The following NFATC1 variants were observed in gnomAD, a reference collection of about 807,000 sequenced individuals.
The protein encoded by NFATC1 is nuclear factor of activated T-cells, cytoplasmic 1.
In NFATC1, 22 loss-of-function variants were observed where a neutral mutation model predicts 76.0. The ratio of observed to expected loss-of-function variants is 0.29; its 90% CI spans 0.21 to 0.41. NFATC1 has a LOEUF of 0.41. Ranked by LOEUF, NFATC1 falls within the 10% of genes least tolerant of loss-of-function variation. The pLI is 1.00. For missense variants in NFATC1, 1,357 were observed against 1,337.7 expected, an observed-to-expected ratio of 1.01 and a Z score of -0.23; for synonymous variants, 704 against 613.1, an observed-to-expected ratio of 1.15 and a Z score of -2.19.
Position 79,527,907 on chromosome 18 carries a change from C to A in NFATC1, c.*330C>A. 1 of 446,442 alleles carries A rather than the reference C, an allele frequency of 2.2e-6. No homozygotes were observed. Among genetic ancestry groups the A allele is most frequent in the Non-Finnish European group, 4.0e-6 (1 of 252,604 alleles). 27.7% of individuals were successfully genotyped at this position (446,442 alleles called of 1,614,324 possible). Reference sequence around the variant, plus strand: ...GACCCCACGCCCAGCCCTTCTGGCACCCCTGGGGTTCAATACTGGAAGTGC... The same window carrying A: ...GACCCCACGCCCAGCCCTTCTGGCAACCCTGGGGTTCAATACTGGAAGTGC... On this transcript the variant is annotated 3_prime_UTR_variant, in exon 10 of 10. Coordinates refer to ENST00000427363, the MANE Select transcript of NFATC1 (RefSeq NM_001278669.2).
In NFATC1 at chr18:79,486,955, T is replaced by C. The variant is rs1341028469; in HGVS notation, c.2782+18T>C. 2 of 1,570,762 alleles carry C rather than the reference T, an allele frequency of 1.3e-6. No individual in the cohort carries two copies. The highest frequency in any genetic ancestry group is 1.8e-5 in the Admixed American group (1 of 56,990). Reference sequence around the variant, plus strand: ...GGATGACGGTGAGTGCCCGCAGCCATGCAGGTGTGTGCCCCGCCTGGCGCC... The same window carrying C: ...GGATGACGGTGAGTGCCCGCAGCCACGCAGGTGTGTGCCCCGCCTGGCGCC... On this transcript the variant is annotated intron_variant, in intron 9 of 9. Coordinates refer to ENST00000427363, the MANE Select transcript of NFATC1 (RefSeq NM_001278669.2).
At chr18:79,507,263 C>G (rs1440168463) in intron 9 of NFATC1, among the ~76,000 whole-genome samples, 1 of 152,268 alleles carries the variant, frequency 6.6e-6, no homozygotes, top group African/African-American at 2.4e-5. Context: ...GCTCCCAGCC[C>G]TTGGCAGCAG....
chr18:79,521,306 C>T (rs1221394179), intron 9 of NFATC1, among the ~76,000 whole-genome samples: 1 of 48,616 alleles, frequency 2.1e-5, no homozygotes, highest in Non-Finnish European at 3.5e-5. Flanking sequence ...TGGGGGGGGG[C>T]GTCTCCTGAT....
intron 9 of NFATC1, among the ~76,000 whole-genome samples, chr18:79,509,600 G>C (rs1423894121): frequency 6.6e-6 from 1 of 152,266 alleles, no homozygotes; most frequent in Non-Finnish European, 1.5e-5. Context: ...AGAGACCTGG[G>C]TTTCTTTTAA....
intron 2 of NFATC1, among the ~76,000 whole-genome samples, chr18:79,412,185 C>T (rs1054438799): frequency 4.3e-4 from 65 of 152,208 alleles, no homozygotes; most frequent in East Asian, 1.9e-4. Context: ...GCTGGAATTC[C>T]GCTGGGTCCA....
At chr18:79,488,702 G>A (rs1164998989) in intron 9 of NFATC1, among the ~76,000 whole-genome samples, 1 of 152,180 alleles carries the variant, frequency 6.6e-6, no homozygotes, top group Admixed American at 6.5e-5. Flanking sequence ...CGAGGTGGAC[G>A]CTGACATCCA....
At chr18:79,438,521 C>G (rs2086860122) in intron 3 of NFATC1, among the ~76,000 whole-genome samples, 1 of 152,238 alleles carries the variant, frequency 6.6e-6, no homozygotes, top group Non-Finnish European at 1.5e-5. Context: ...GATAGCATCT[C>G]ACCCATCACA....
At chr18:79,484,959 C>T (rs1020479108) in intron 8 of NFATC1, among the ~76,000 whole-genome samples, 8 of 152,250 alleles carry the variant, frequency 5.3e-5, no homozygotes, top group Non-Finnish European at 7.3e-5. Context: ...GTGGACTCCT[C>T]GGCACCCAGC....
At chr18:79,516,483 A>G (rs1253105251) in intron 9 of NFATC1, among the ~76,000 whole-genome samples, 1 of 152,186 alleles carries the variant, frequency 6.6e-6, no homozygotes, top group Admixed American at 6.5e-5. Context: ...CGTTTTCAGA[A>G]TGTGGTGGCT....
chr18:79,405,069 C>T (rs1189025698), intron 1 of NFATC1, among the ~76,000 whole-genome samples: 1 of 152,164 alleles, frequency 6.6e-6, no homozygotes, highest in Non-Finnish European at 1.5e-5. Flanking sequence ...GGCCTGAGAG[C>T]CGGGTGCTCC....
At chr18:79,408,767 A>G (rs148399831) in intron 1 of NFATC1, among the ~76,000 whole-genome samples, 27 of 152,006 alleles carry the variant, frequency 1.8e-4, no homozygotes, top group Middle Eastern at 3.4e-3. Flanking sequence ...TCCATTCCCT[A>G]TGCATCCATG....
chr18:79,513,885 G>A (rs1346661718), intron 9 of NFATC1, among the ~76,000 whole-genome samples: 3 of 152,202 alleles, frequency 2.0e-5, no homozygotes, highest in Non-Finnish European at 4.4e-5. Flanking sequence ...GGGCCACTGT[G>A]GAGCCCATGG....
intron 9 of NFATC1, chr18:79,498,310 A>G (rs975266826): frequency 6.6e-6 from 1 of 152,118 alleles, no homozygotes; most frequent in African/African-American, 2.4e-5. Flanking sequence ...AGTGTGGCAA[A>G]TATATCTTAC....
At chr18:79,450,353 C>T (rs990745218) in intron 4 of NFATC1, among the ~76,000 whole-genome samples, 1 of 150,328 alleles carries the variant, frequency 6.7e-6, no homozygotes, top group South Asian at 2.1e-4. Context: ...AAAATGAGGG[C>T]TTTTAAATAT....
At chr18:79,480,890 C>T (rs150440654) in intron 8 of NFATC1, among the ~76,000 whole-genome samples, 17 of 152,230 alleles carry the variant, frequency 1.1e-4, no homozygotes, top group African/African-American at 2.9e-4. Context: ...TCCCGAGCAG[C>T]GGAGAGAGGA....
intron 9 of NFATC1, chr18:79,493,868 C>G (rs1266969496): frequency 2.0e-5 from 3 of 152,248 alleles, no homozygotes; most frequent in African/African-American, 7.2e-5. Flanking sequence ...GGTTTCAAGG[C>G]GTAAAAATCG....
intron 9 of NFATC1, among the ~76,000 whole-genome samples, chr18:79,515,013 C>T (rs1175747058): frequency 2.0e-5 from 3 of 151,950 alleles, no homozygotes; most frequent in Non-Finnish European, 2.9e-5. Context: ...CACTGCACAC[C>T]AGCCTGGGCA....
intron 1 of NFATC1, among the ~76,000 whole-genome samples, chr18:79,409,571 C>T (rs1562724): frequency 0.12 from 17,543 of 152,108 alleles, 1,066 homozygotes; most frequent in Middle Eastern, 0.2. Context: ...ATCTCTTTAT[C>T]CCTCATTCCT....
intron 9 of NFATC1, among the ~76,000 whole-genome samples, chr18:79,505,806 G>A (rs2090108089): frequency 6.7e-6 from 1 of 148,352 alleles, no homozygotes; most frequent in South Asian, 2.2e-4. Flanking sequence ...TGTGTGGGAG[G>A]AGGTGGTGCT....
Sources: allele counts gnomAD v4.1 joint callset (sites outside exome capture counted in the v4.1 genomes callset), GRCh38; gene constraint gnomAD v4.1.1; transcripts MANE v1.5; gene names NCBI Gene and HGNC (gene_info 2026-07-23, HGNC 2026-07-21).